The following CNTNAP2 variants were observed in gnomAD, a reference collection of about 807,000 sequenced individuals.
CNTNAP2 encodes contactin-associated protein-like 2.
A neutral mutation model predicts 155.2 loss-of-function variants in CNTNAP2; 98 were observed. The ratio of observed to expected loss-of-function variants is 0.63; its 90% CI spans 0.54 to 0.75. CNTNAP2 has a LOEUF of 0.75. Ranked by LOEUF, CNTNAP2 falls within the 30% of genes least tolerant of loss-of-function variation. CNTNAP2 has a pLI of 0.00. For missense variants in CNTNAP2, 1,727 were observed against 1,688.1 expected (o/e 1.02, Z -0.40); for synonymous variants, 651 against 631.2 (o/e 1.03, Z -0.47).
chr7:147,839,905 ATGTG>A (rs751893206), intron 13 of CNTNAP2, among the ~76,000 whole-genome samples: 1 of 150,974 alleles, frequency 6.6e-6, no homozygotes, highest in African/African-American at 2.4e-5. Context: ...GTGTATATAT[ATGTG>A]TGTGTGTGTG....
intron 14 of CNTNAP2, among the ~76,000 whole-genome samples, chr7:147,924,969 T>A (rs193172644): frequency 0.011 from 1,560 of 145,840 alleles, 33 homozygotes; most frequent in African/African-American, 0.042. Flanking sequence ...TACAAAAAAA[T>A]TTAGCCAGGC....
chr7:146,766,902 A>G (rs1335978888), intron 1 of CNTNAP2, among the ~76,000 whole-genome samples: 3 of 152,164 alleles, frequency 2.0e-5, no homozygotes, highest in African/African-American at 2.4e-5. Context: ...GAAATAAAAG[A>G]GTAAATTAGG....
chr7:148,187,128 AC>A (rs1795128414), intron 18 of CNTNAP2, among the ~76,000 whole-genome samples: 4 of 150,926 alleles, frequency 2.7e-5, no homozygotes, highest in Non-Finnish European at 4.4e-5. Context: ...ACACACACAC[AC>A]ACACACACAC....
At chr7:147,528,772 G>C (rs918651933) in intron 11 of CNTNAP2, among the ~76,000 whole-genome samples, 1 of 152,164 alleles carries the variant, frequency 6.6e-6, no homozygotes, top group Non-Finnish European at 1.5e-5. Flanking sequence ...CCCAGGAGTT[G>C]ATTCTATATG....
intron 21 of CNTNAP2, among the ~76,000 whole-genome samples, chr7:148,331,716 CGGATGGATTG>C (rs1798022407): frequency 3.1e-5 from 1 of 32,356 alleles, no homozygotes. Flanking sequence ...ATGGAGTGGA[CGGATGGATTG>C]GATGGATGGA....
chr7:147,133,700 T>C (rs1216679885), intron 8 of CNTNAP2, among the ~76,000 whole-genome samples: 1 of 152,082 alleles, frequency 6.6e-6, no homozygotes, highest in Non-Finnish European at 1.5e-5. Context: ...ATATATTTTC[T>C]TGTAAAATAG....
intron 14 of CNTNAP2, among the ~76,000 whole-genome samples, chr7:147,956,357 G>C (rs536562374): frequency 2.0e-4 from 30 of 150,488 alleles, no homozygotes; most frequent in Non-Finnish European, 4.3e-4. Flanking sequence ...GTTTTCATTT[G>C]AGCCATGTTT....
intron 9 of CNTNAP2, among the ~76,000 whole-genome samples, chr7:147,359,936 A>G (rs1796120025): frequency 6.6e-6 from 1 of 152,178 alleles, no homozygotes; most frequent in African/African-American, 2.4e-5. Context: ...TATAAACAAC[A>G]TAAACTTGAA....
chr7:148,403,801 G>A (rs1799641841), intron 22 of CNTNAP2, among the ~76,000 whole-genome samples: 1 of 152,186 alleles, frequency 6.6e-6, no homozygotes, highest in South Asian at 2.1e-4. Context: ...CCTCAAGGGG[G>A]TAAGCACTCA....
At chr7:146,493,620 A>G (rs696772) in intron 1 of CNTNAP2, among the ~76,000 whole-genome samples, 76,397 of 151,810 alleles carry the variant, frequency 0.5, 19,527 homozygotes, top group Admixed American at 0.61. Flanking sequence ...GTACAAAATC[A>G]ATAAAGAGCA....
chr7:146,648,167 C>T (rs972426196), intron 1 of CNTNAP2, among the ~76,000 whole-genome samples: 2 of 152,158 alleles, frequency 1.3e-5, no homozygotes, highest in African/African-American at 4.8e-5. Context: ...ACTTCAGGGA[C>T]TTAAATGTAA....
At chr7:147,520,534 T>C (rs970875766) in intron 11 of CNTNAP2, among the ~76,000 whole-genome samples, 6 of 152,212 alleles carry the variant, frequency 3.9e-5, no homozygotes, top group African/African-American at 1.4e-4. Flanking sequence ...CAAAGATGGC[T>C]TCCTCTAAGT....
intron 1 of CNTNAP2, among the ~76,000 whole-genome samples, chr7:146,613,659 A>T (rs1339099037): frequency 2.0e-5 from 3 of 152,200 alleles, no homozygotes; most frequent in Non-Finnish European, 4.4e-5. Context: ...CATATTTTTT[A>T]AATTAACGAT....
At chr7:146,724,324 T>A (rs903601375) in intron 1 of CNTNAP2, among the ~76,000 whole-genome samples, 3 of 151,990 alleles carry the variant, frequency 2.0e-5, no homozygotes, top group African/African-American at 7.2e-5. Context: ...TCGTTTTTAT[T>A]TTTTTTTCCC....
intron 15 of CNTNAP2, among the ~76,000 whole-genome samples, chr7:148,020,756 AC>A (rs1324473786): frequency 6.6e-6 from 1 of 152,222 alleles, no homozygotes; most frequent in African/African-American, 2.4e-5. Flanking sequence ...AACAATAAAC[AC>A]CTTTAATTAT....
At chr7:146,259,749 G>A (rs1799892791) in intron 1 of CNTNAP2, among the ~76,000 whole-genome samples, 1 of 152,204 alleles carries the variant, frequency 6.6e-6, no homozygotes, top group Admixed American at 6.5e-5. Flanking sequence ...TTAAAGGAAA[G>A]CAGAGCATAA....
intron 12 of CNTNAP2, among the ~76,000 whole-genome samples, chr7:147,611,464 A>G (rs1369810254): frequency 1.3e-5 from 2 of 152,224 alleles, no homozygotes; most frequent in South Asian, 2.1e-4. Context: ...GGATTTTAAC[A>G]TCTCTACAAT....
At chr7:147,452,897 A>G (rs1375747725) in intron 10 of CNTNAP2, among the ~76,000 whole-genome samples, 1 of 151,870 alleles carries the variant, frequency 6.6e-6, no homozygotes, top group Non-Finnish European at 1.5e-5. Context: ...ACAGACAAAG[A>G]ATATAAAGGA....
intron 9 of CNTNAP2, among the ~76,000 whole-genome samples, chr7:147,348,781 G>C (rs1464640056): frequency 6.6e-6 from 1 of 151,926 alleles, no homozygotes; most frequent in East Asian, 1.9e-4. Context: ...AAAAAATGCG[G>C]TATATATACA....
Sources: gnomAD v4.1 joint callset for allele counts (sites outside exome capture counted in the v4.1 genomes callset) on GRCh38, gnomAD v4.1.1 for gene constraint, MANE v1.5 for transcripts, NCBI Gene and HGNC (gene_info 2026-07-23, HGNC 2026-07-21) for gene names.